The following OSCP1 variants were observed in gnomAD, a reference collection of about 807,000 sequenced individuals.
OSCP1 encodes protein OSCP1.
Under a neutral mutation model 45.1 loss-of-function variants are expected in OSCP1, and 35 were observed. That is an observed-to-expected ratio of 0.78 (90% CI 0.59 to 1.03). The LOEUF is 1.03. Ranked by LOEUF, OSCP1 falls within the 50% of genes least tolerant of loss-of-function variation. OSCP1 has a pLI of 0.00. For missense variants in OSCP1, 400 were observed against 470.7 expected (o/e 0.85, Z 1.39); for synonymous variants, 179 against 180.1 (o/e 0.99, Z 0.05).
At chr1:36,431,241 C>T (rs535109501) in intron 4 of OSCP1, among the ~76,000 whole-genome samples, 1 of 151,926 alleles carries the variant, frequency 6.6e-6, no homozygotes, top group African/African-American at 2.4e-5. Context: ...GAGTCACAGG[C>T]AGAGGAGTTG....
chr1:36,428,196 A>G, intron 4 of OSCP1: 1 of 1,251,334 alleles, frequency 8.0e-7, no homozygotes, highest in Admixed American at 3.2e-5. Flanking sequence ...TCTCAAAAAA[A>G]AAAAAAAAAA....
rs1649599145 is a variant in OSCP1, at chr1:36,447,227, A to C, written c.112+3031T>G. On this transcript the variant is annotated intron_variant, in intron 1 of 9. Transcript: ENST00000235532. The surrounding 1 kb of genome is among the most constrained non-coding windows in gnomAD (Gnocchi z 4.1). ...CTTTAAATGGTGGAATAGGTGGAAG[A>C]CATGAGTATTTCTCAGCCCGTTGAA... Among the ~76,000 whole-genome samples, 1 of 152,210 alleles carries C rather than the reference A, an allele frequency of 6.6e-6. No individual in the cohort carries two copies.
Position 36,432,589 on chromosome 1 carries a change from G to C in OSCP1, c.268C>G (p.Leu90Val). The change falls in exon 3 of 10, where the codon CTC becomes GTC. Residue 90 changes from leucine to valine, a missense_variant and splice_region_variant. Transcript: ENST00000235532. The stretch of plus-strand genomic sequence containing the variant: ...AAAGCCATGGTCATCAGGTCATAGA[G>C]CTGCCAACCCACACACAAGCAAAAG... ...MKLNQASMDKLYDLMTMAFKY... is the reference protein window; with the variant it reads ...MKLNQASMDKVYDLMTMAFKY... The C allele has an allele frequency of 7.4e-6, 12 of 1,614,140 alleles. No individual in the cohort carries two copies. Among genetic ancestry groups the C allele is most frequent in the Non-Finnish European group, 9.3e-6 (11 of 1,180,024 alleles).
intron 4 of OSCP1, among the ~76,000 whole-genome samples, chr1:36,430,533 G>C (rs760780381): frequency 9.2e-5 from 14 of 152,014 alleles, no homozygotes; most frequent in Non-Finnish European, 2.1e-4. Context: ...ACTTTGAGAG[G>C]CTGAGGGAGG....
At chr1:36,419,169 T>A in intron 8 of OSCP1, 115 bp from the exon 9 acceptor site, 1 of 878,724 alleles carries the variant, frequency 1.1e-6, no homozygotes, top group Non-Finnish European at 1.9e-6. Flanking sequence ...CTGCCATTTC[T>A]CTTAAACTTT....
intron 4 of OSCP1, among the ~76,000 whole-genome samples, chr1:36,425,809 C>T (rs1647929463): frequency 6.6e-6 from 1 of 150,886 alleles, no homozygotes; most frequent in African/African-American, 2.4e-5. Flanking sequence ...CTTATTATTA[C>T]AAGTCTATTT....
At chr1:36,444,718 T>C (rs1424272166) in intron 1 of OSCP1, among the ~76,000 whole-genome samples, 1 of 152,208 alleles carries the variant, frequency 6.6e-6, no homozygotes, top group Non-Finnish European at 1.5e-5. Context: ...AAAAATGCAG[T>C]TGGCTAGAGA....
chr1:36,438,439 A>G (rs1268944787), intron 2 of OSCP1, among the ~76,000 whole-genome samples: 1 of 151,964 alleles, frequency 6.6e-6, no homozygotes, highest in Non-Finnish European at 1.5e-5. Flanking sequence ...GCAGTGAGCT[A>G]TGATTGTACC....
chr1:36,439,011 A>G, intron 1 of OSCP1, 101 bp from the exon 2 acceptor site: 1 of 1,313,480 alleles, frequency 7.6e-7, no homozygotes, highest in Non-Finnish European at 1.0e-6. Context: ...TGTACAGTAC[A>G]GAATTGGGAT....
chr1:36,435,162 A>T (rs1648641194), intron 2 of OSCP1, among the ~76,000 whole-genome samples: 1 of 144,914 alleles, frequency 6.9e-6, no homozygotes, highest in African/African-American at 2.6e-5. Context: ...TGGCGTGAAC[A>T]CAGCTCACTG....
At chr1:36,428,541 G>A in intron 4 of OSCP1, 2 of 1,491,290 alleles carry the variant, frequency 1.3e-6, no homozygotes, top group Non-Finnish European at 8.9e-7. Context: ...ACAAAATTAG[G>A]TATTATAATT....
chr1:36,419,923 C>T (rs1210270500), intron 8 of OSCP1, among the ~76,000 whole-genome samples: 2 of 152,014 alleles, frequency 1.3e-5, no homozygotes, highest in African/African-American at 4.8e-5. Context: ...GACGATCCTT[C>T]TGCCTCAACC....
chr1:36,425,031 G>A (rs1647877954), intron 4 of OSCP1, among the ~76,000 whole-genome samples: 1 of 151,950 alleles, frequency 6.6e-6, no homozygotes, highest in Non-Finnish European at 1.5e-5. Flanking sequence ...AAATTACCAG[G>A]GTGTGGTGGC....
intron 2 of OSCP1, among the ~76,000 whole-genome samples, chr1:36,434,337 G>C (rs553905652): frequency 6.6e-6 from 1 of 152,322 alleles, no homozygotes; most frequent in South Asian, 2.1e-4. Flanking sequence ...TTGCTGGTAA[G>C]TGCAGAATGA....
At chr1:36,436,104 ATTTTT>A (rs780346891) in intron 2 of OSCP1, among the ~76,000 whole-genome samples, 1 of 113,884 alleles carries the variant, frequency 8.8e-6, no homozygotes. Flanking sequence ...CTCTCTCTCT[ATTTTT>A]TTTTTTTTTT....
At chr1:36,450,200 G>A in intron 1 of OSCP1, 58 bp downstream of exon 1, 1 of 1,420,452 alleles carries the variant, frequency 7.0e-7, no homozygotes, top group Non-Finnish European at 9.9e-7. Context: ...TTAGGGCGAT[G>A]ATGAGAGGGC....
At chr1:36,436,968 T>C (rs2039804) in intron 2 of OSCP1, among the ~76,000 whole-genome samples, 95,147 of 152,068 alleles carry the variant, frequency 0.63, 29,945 homozygotes, top group South Asian at 0.74. Flanking sequence ...TTTGGAGTTT[T>C]GGGGAGGAAG....
rs1648426337 is a variant in OSCP1, at chr1:36,432,433, G to A, written c.424C>T (p.Gln142Ter). Residue 142 changes from glutamine (Q) to a stop codon, truncating the protein, a stop_gained, in exon 3 of 10, where the codon CAG becomes TAG. Transcript: ENST00000235532. LOFTEE classifies it high-confidence loss of function. ...ILQQVDETLR[Q>*]LTEIYGGLSA... Reference sequence around the variant, plus strand: ...GATGGCACTCTTACTTCTGTCAGCTGCCGCAAAGTCTCGTCCACTTGCTGC... The same window carrying A: ...GATGGCACTCTTACTTCTGTCAGCTACCGCAAAGTCTCGTCCACTTGCTGC... 6.2e-7 allele frequency: 1 copy of A among 1,613,854 alleles called. No individual in the cohort carries two copies. Among genetic ancestry groups the A allele is most frequent in the African/African-American group, 1.3e-5 (1 of 74,912 alleles).
intron 4 of OSCP1, among the ~76,000 whole-genome samples, chr1:36,429,148 G>A (rs2124785065): frequency 6.6e-6 from 1 of 152,230 alleles, no homozygotes; most frequent in East Asian, 1.9e-4. Context: ...CACTTTGAGA[G>A]GCCAAGGCAG....
Sources: gnomAD v4.1 joint callset for allele counts (sites outside exome capture counted in the v4.1 genomes callset) on GRCh38, gnomAD v4.1.1 for gene constraint, Gnocchi (gnomAD v3.1) non-coding constraint, MANE v1.5 for transcripts, NCBI Gene and HGNC (gene_info 2026-07-23, HGNC 2026-07-21) for gene names.